The following RB1 variants were observed in gnomAD, a reference collection of about 807,000 sequenced individuals.
RB1 encodes the protein retinoblastoma-associated protein.
In RB1, 18 loss-of-function variants were observed where a neutral mutation model predicts 135.4. The ratio of observed to expected loss-of-function variants is 0.13; its 90% CI spans 0.09 to 0.20. The LOEUF is 0.20. Ranked by LOEUF, RB1 falls within the 10% of genes least tolerant of loss-of-function variation. RB1 has a pLI of 1.00. For synonymous variants in RB1, 365 were observed against 373.2 expected (o/e 0.98, Z 0.25); for missense variants, 868 against 1,110.0 (o/e 0.78, Z 3.10).
chr13:48,352,637 G>A (rs1593439842), intron 6 of RB1, among the ~76,000 whole-genome samples: 1 of 152,022 alleles, frequency 6.6e-6, no homozygotes, highest in South Asian at 2.1e-4. Flanking sequence ...TTGCCTTTCT[G>A]ATTTGGCTCT....
At chr13:48,311,487 T>C (rs1008659016) in intron 2 of RB1, among the ~76,000 whole-genome samples, 2 of 152,216 alleles carry the variant, frequency 1.3e-5, no homozygotes, top group African/African-American at 4.8e-5. Context: ...TTGCTCCTAG[T>C]CTGCAAATGT....
chr13:48,472,961 TCTG>T (rs2138353961), intron 23 of RB1, among the ~76,000 whole-genome samples: 2 of 152,266 alleles, frequency 1.3e-5, no homozygotes, highest in South Asian at 4.1e-4. Context: ...TAATTAGAAT[TCTG>T]ATTATTACTT....
At chr13:48,457,088 C>T (rs1479115458) in intron 19 of RB1, among the ~76,000 whole-genome samples, 2 of 152,146 alleles carry the variant, frequency 1.3e-5, no homozygotes, top group African/African-American at 4.8e-5. Flanking sequence ...GTCCTGCAGC[C>T]AGGAAGAATG....
At chr13:48,416,857 G>A (rs1948919759) in intron 17 of RB1, among the ~76,000 whole-genome samples, 1 of 152,108 alleles carries the variant, frequency 6.6e-6, no homozygotes, top group Non-Finnish European at 1.5e-5. Context: ...TAGCCCAACT[G>A]CTTCTCTAGA....
Position 48,476,835 on chromosome 13 carries a change from A to C in RB1, c.2655A>C (p.Ala885=). Residue 885 remains alanine (A), a synonymous_variant, in exon 25 of 27, where the codon GCA becomes GCC. Coordinates refer to ENST00000267163, the MANE Select transcript of RB1 (RefSeq NM_000321.3). ...TTGATATTGAAGGATCAGATGAAGC[A>C]GATGGAAGGTAGGAACCAGTTTTGA... ...LRFDIEGSDE[A]DGSKHLPGES... 6.2e-7 allele frequency: 1 copy of C among 1,613,604 alleles called. No homozygotes were observed. Among genetic ancestry groups the C allele is most frequent in the Non-Finnish European group, 8.5e-7 (1 of 1,179,604 alleles).
At chr13:48,364,227 A>C (rs1952671140) in intron 8 of RB1, among the ~76,000 whole-genome samples, 1 of 152,202 alleles carries the variant, frequency 6.6e-6, no homozygotes, top group Non-Finnish European at 1.5e-5. Context: ...AATTTGTAGC[A>C]AACCGTGTAG....
intron 2 of RB1, chr13:48,316,822 C>G (rs1414253176): frequency 7.2e-6 from 2 of 278,334 alleles, no homozygotes; most frequent in African/African-American, 4.5e-5. Flanking sequence ...CACAAATGCA[C>G]GCAAACCGGG....
At chr13:48,408,233 T>C (rs1221395481) in intron 17 of RB1, among the ~76,000 whole-genome samples, 1 of 151,972 alleles carries the variant, frequency 6.6e-6, no homozygotes, top group Non-Finnish European at 1.5e-5. Context: ...CCTTAAGTAG[T>C]GTCTTCAGTT....
At chr13:48,435,070 A>G (rs1949169956) in intron 17 of RB1, among the ~76,000 whole-genome samples, 1 of 152,208 alleles carries the variant, frequency 6.6e-6, no homozygotes, top group Non-Finnish European at 1.5e-5. Flanking sequence ...TCTGGGATAA[A>G]TGCCTAATGA....
intron 9 of RB1, 93 bp from the exon 10 acceptor site, chr13:48,367,401 A>G: frequency 7.4e-7 from 1 of 1,351,622 alleles, no homozygotes; most frequent in Non-Finnish European, 1.0e-6. Context: ...AATGTATATT[A>G]TACAAAAATT....
chr13:48,447,235 G>A (rs575515671), intron 17 of RB1, among the ~76,000 whole-genome samples: 10 of 152,250 alleles, frequency 6.6e-5, no homozygotes, highest in East Asian at 5.8e-4. Context: ...AGAAGCAGTC[G>A]TTTTTGGGGG....
intron 2 of RB1, chr13:48,318,075 TCAGAGGCGGAGG>T (rs375551734): frequency 1.1e-5 from 6 of 538,152 alleles, no homozygotes; most frequent in African/African-American, 7.6e-5. Context: ...TGGATTCCCT[TCAGAGGCGGAGG>T]CAGAGGCGCA....
intron 3 of RB1, 60 bp from the exon 4 acceptor site, chr13:48,345,020 A>G (rs1952479372): frequency 1.3e-6 from 2 of 1,551,734 alleles, no homozygotes; most frequent in East Asian, 4.5e-5. Context: ...TGATTTGAAA[A>G]CGAAATAACA....
At chr13:48,315,134 G>A (rs1453258829) in intron 2 of RB1, among the ~76,000 whole-genome samples, 1 of 152,042 alleles carries the variant, frequency 6.6e-6, no homozygotes, top group East Asian at 1.9e-4. Flanking sequence ...TGGGCAGTGT[G>A]GCCATTTTAA....
intron 10 of RB1, 118 bp downstream of exon 10, chr13:48,367,721 C>A: frequency 2.5e-6 from 3 of 1,201,610 alleles, no homozygotes; most frequent in Admixed American, 2.6e-5. Flanking sequence ...AAATTACTTT[C>A]AAATGTCTTT....
chr13:48,342,479 T>C (rs1952454331), intron 2 of RB1, 120 bp from the exon 3 acceptor site: 2 of 677,822 alleles, frequency 3.0e-6, no homozygotes, highest in Non-Finnish European at 5.3e-6. Flanking sequence ...AAATATACAG[T>C]ATTACAAACA....
chr13:48,347,851 A>T lies in RB1; in HGVS notation c.527A>T (p.Gln176Leu), dbSNP rs777105879. ...ACATGTGAACTTATATATTTGACAC[A>T]ACCCAGCAGTTCGTAAGTAGTTCAC... is the stretch of plus-strand genomic sequence containing the variant. ...ERTCELIYLT[Q>L]PSSSISTEIN... Residue 176 changes from glutamine (Q) to leucine (L), a missense_variant, in exon 5 of 27, where the codon CAA becomes CTA. This residue lies in a region of RB1 where 641 missense variants were observed against 791.3 expected (regional missense o/e 0.81). Transcript: ENST00000267163. 1 of 1,594,334 alleles carries T rather than the reference A, an allele frequency of 6.3e-7. No individual in the cohort carries two copies. Among genetic ancestry groups the T allele is most frequent in the African/African-American group, 1.3e-5 (1 of 74,428 alleles).
intron 23 of RB1, among the ~76,000 whole-genome samples, chr13:48,471,742 G>A (rs915674948): frequency 1.3e-5 from 2 of 152,130 alleles, no homozygotes; most frequent in African/African-American, 4.8e-5. Context: ...AACAAAGCAG[G>A]TTACTTTAGG....
intron 2 of RB1, among the ~76,000 whole-genome samples, chr13:48,338,767 A>C (rs1473230552): frequency 2.0e-5 from 3 of 151,986 alleles, no homozygotes; most frequent in Admixed American, 2.0e-4. Context: ...GATTTTTAGA[A>C]TTTTCAGCTT....
Sources: gnomAD v4.1 joint callset for allele counts (sites outside exome capture counted in the v4.1 genomes callset) on GRCh38, gnomAD v4.1.1 for gene constraint, gnomAD v4.1.1 regional missense constraint, MANE v1.5 for transcripts, NCBI Gene and HGNC (gene_info 2026-07-23, HGNC 2026-07-21) for gene names.